The following FER1L6 variants were observed in gnomAD, a reference collection of about 807,000 sequenced individuals.
FER1L6 encodes the protein fer-1-like protein 6.
A neutral mutation model predicts 219.2 loss-of-function variants in FER1L6; 177 were observed. That is an observed-to-expected ratio of 0.81 (90% CI 0.71 to 0.91). The LOEUF (loss-of-function observed/expected upper bound fraction) is 0.91, where lower values mean the gene tolerates loss of function less well. Among genes scored for constraint, FER1L6 ranks in the 40% least tolerant of loss-of-function variants. The pLI is 0.00. For synonymous variants in FER1L6, 768 were observed against 824.3 expected, an observed-to-expected ratio of 0.93 and a Z score of 1.17; for missense variants, 2,153 against 2,259.9, an observed-to-expected ratio of 0.95 and a Z score of 0.96.
chr8:123,969,633 T>A (rs1168121878), intron 5 of FER1L6, among the ~76,000 whole-genome samples: 1 of 152,044 alleles, frequency 6.6e-6, no homozygotes, highest in Non-Finnish European at 1.5e-5. Flanking sequence ...TATGCAAGAA[T>A]GTGATTGATA....
At chr8:124,033,221 T>G (rs1343665005) in intron 18 of FER1L6, among the ~76,000 whole-genome samples, 1 of 152,208 alleles carries the variant, frequency 6.6e-6, no homozygotes, top group East Asian at 1.9e-4. Flanking sequence ...TTTTAGGCAC[T>G]GGGGACACGG....
intron 39 of FER1L6, among the ~76,000 whole-genome samples, chr8:124,115,159 G>A (rs1823191357): frequency 1.3e-5 from 2 of 150,966 alleles, no homozygotes; most frequent in East Asian, 3.9e-4. Flanking sequence ...TTCTCAAGGA[G>A]CTTTTTTTAT....
chr8:124,112,781 T>C (rs1401270361), intron 39 of FER1L6, among the ~76,000 whole-genome samples: 2 of 152,192 alleles, frequency 1.3e-5, no homozygotes, highest in Admixed American at 6.5e-5. Context: ...AGTTCACAAC[T>C]TAGCTGGGGA....
At chr8:123,982,965 A>G (rs1391338724) in intron 11 of FER1L6, among the ~76,000 whole-genome samples, 2 of 152,232 alleles carry the variant, frequency 1.3e-5, no homozygotes, top group Admixed American at 6.5e-5. Context: ...GAAGTCACAC[A>G]ATGACATATC....
At chr8:123,977,306 A>G in intron 9 of FER1L6, 111 bp from the exon 10 acceptor site, 1 of 1,089,622 alleles carries the variant, frequency 9.2e-7, no homozygotes, top group East Asian at 2.4e-5. Flanking sequence ...GGGTGTCAGA[A>G]GCAGGTTCAT....
At chr8:124,040,153 G>A in intron 20 of FER1L6, 147 bp downstream of exon 20, 2 of 1,062,774 alleles carry the variant, frequency 1.9e-6, no homozygotes, top group Non-Finnish European at 2.7e-6. Context: ...GCGAATATGT[G>A]CCCAGAAGGA....
chr8:123,893,296 C>A (rs1286178297), intron 1 of FER1L6, among the ~76,000 whole-genome samples: 2 of 152,116 alleles, frequency 1.3e-5, no homozygotes, highest in Non-Finnish European at 2.9e-5. Context: ...ACTTCCAGGA[C>A]TCTAATTAAA....
intron 39 of FER1L6, among the ~76,000 whole-genome samples, chr8:124,113,783 G>A (rs79176378): frequency 7.4e-4 from 112 of 152,320 alleles, no homozygotes; most frequent in African/African-American, 2.6e-3. Flanking sequence ...CCCGTGAAGT[G>A]TAAGTTAGAT....
chr8:123,951,769 G>A (rs116107525), intron 1 of FER1L6, among the ~76,000 whole-genome samples: 94 of 152,260 alleles, frequency 6.2e-4, no homozygotes, highest in African/African-American at 1.8e-3. Flanking sequence ...GCTAAAGTCC[G>A]CCCCCTGCCC....
intron 20 of FER1L6, chr8:124,040,329 CA>C: frequency 3.0e-6 from 1 of 338,692 alleles, no homozygotes; most frequent in Non-Finnish European, 5.6e-6. Flanking sequence ...AATGAGGAAA[CA>C]GCACAGATCA....
intron 15 of FER1L6, among the ~76,000 whole-genome samples, chr8:124,015,390 A>G (rs1176938198): frequency 6.6e-6 from 1 of 151,808 alleles, no homozygotes; most frequent in Non-Finnish European, 1.5e-5. Context: ...AGAACTTGTC[A>G]TAATGGAACT....
intron 1 of FER1L6, among the ~76,000 whole-genome samples, chr8:123,901,452 T>C (rs1294123704): frequency 6.6e-6 from 1 of 152,202 alleles, no homozygotes; most frequent in African/African-American, 2.4e-5. Context: ...AAGAACCAGC[T>C]TTTTGTTTCA....
At chr8:123,926,968 G>T (rs1396962034) in intron 1 of FER1L6, among the ~76,000 whole-genome samples, 1 of 151,948 alleles carries the variant, frequency 6.6e-6, no homozygotes, top group African/African-American at 2.4e-5. Context: ...AAAAGAGGTG[G>T]GCTTGTAATA....
intron 12 of FER1L6, among the ~76,000 whole-genome samples, chr8:123,987,261 G>C (rs1274346083): frequency 6.6e-6 from 1 of 152,198 alleles, no homozygotes; most frequent in Non-Finnish European, 1.5e-5. Context: ...ATGTTTCTCT[G>C]ATGGTTAATG....
chr8:124,041,503 C>T (rs1819493465), intron 20 of FER1L6, among the ~76,000 whole-genome samples: 1 of 152,132 alleles, frequency 6.6e-6, no homozygotes, highest in Non-Finnish European at 1.5e-5. Flanking sequence ...TTTTGCCAGG[C>T]CACATGCTGG....
intron 1 of FER1L6, among the ~76,000 whole-genome samples, chr8:123,942,585 T>C (rs1814283339): frequency 6.6e-6 from 1 of 152,224 alleles, no homozygotes; most frequent in South Asian, 2.1e-4. Flanking sequence ...TTCCAGCTTC[T>C]GGTGGCTCCT....
chr8:124,035,144 A>G lies in FER1L6; in HGVS notation c.2287-133A>G, dbSNP rs1586619056. 71 of 890,932 alleles carry G rather than the reference A, an allele frequency of 8.0e-5. 2 individuals are homozygous for G. In the South Asian group the frequency reaches 1.3e-3, roughly 16 times the overall value. The allele number at this position is 890,932 out of a possible 1,614,324, so 55.2% of individuals were successfully genotyped here. The stretch of plus-strand genomic sequence containing the variant: ...GGGGCCATTGTCTTTATTTTGATTT[A>G]AGAGGAGCTCTTGAGAACTGCTCTC... On this transcript the variant is annotated intron_variant, in intron 18 of 40. Coordinates refer to ENST00000522917, the MANE Select transcript of FER1L6 (RefSeq NM_001039112.2).
At chr8:123,884,369 C>A (rs1176560830) in intron 1 of FER1L6, among the ~76,000 whole-genome samples, 1 of 151,640 alleles carries the variant, frequency 6.6e-6, no homozygotes, top group Non-Finnish European at 1.5e-5. Flanking sequence ...CAAGGGGCAG[C>A]TCTGAGATCC....
intron 39 of FER1L6, among the ~76,000 whole-genome samples, chr8:124,114,895 G>GTA (rs71289637): frequency 0.072 from 6,470 of 89,634 alleles, 401 homozygotes; most frequent in Admixed American, 0.077. Context: ...GTGTGTGTGC[G>GTA]TATATATATA....
Sources: gnomAD v4.1 joint callset for allele counts (sites outside exome capture counted in the v4.1 genomes callset) on GRCh38, gnomAD v4.1.1 for gene constraint, MANE v1.5 for transcripts, NCBI Gene and HGNC (gene_info 2026-07-23, HGNC 2026-07-21) for gene names.